The following BMP1 variants were observed in gnomAD, a reference collection of about 807,000 sequenced individuals.
BMP1 encodes bone morphogenetic protein 1.
Under a neutral mutation model 116.8 loss-of-function variants are expected in BMP1, and 63 were observed. That is an observed-to-expected ratio of 0.54 (90% CI 0.44 to 0.67). BMP1 has a LOEUF of 0.67. Ranked by LOEUF, BMP1 falls within the 30% of genes least tolerant of loss-of-function variation. The pLI, the probability that BMP1 is intolerant of heterozygous loss-of-function variation, is 0.00. For missense variants in BMP1, 1,183 were observed against 1,358.9 expected, an observed-to-expected ratio of 0.87 and a Z score of 2.04; for synonymous variants, 536 against 533.4, an observed-to-expected ratio of 1.00 and a Z score of -0.07.
rs201377252 is a variant in BMP1 at position 22,173,679 on chromosome 8, C to T, written c.226C>T (p.Arg76Trp). 123 of 1,613,620 alleles carry T rather than the reference C, an allele frequency of 7.6e-5. No homozygotes were observed. Among genetic ancestry groups the T allele is most frequent in the Non-Finnish European group, 8.8e-5 (104 of 1,179,684 alleles). Residue 76 changes from arginine to tryptophan, a missense_variant, in exon 2 of 20, where the codon CGG (arginine) becomes TGG (tryptophan). Arg to Trp is a moderately radical substitution (Grantham distance 101). Around this residue, in one of 4 missense-constraint regions of BMP1, gnomAD observed 185 missense variants for 158.9 expected, o/e 1.16. Transcript: ENST00000306385. The stretch of plus-strand genomic sequence containing the variant: ...GGTACAGCAGGCTGTGGATCTCAGA[C>T]GGCACACAGCTCGTAAGTCCTCCAT... Reference protein sequence around the residue: ...FQVQQAVDLRRHTARKSSIKA... With the variant: ...FQVQQAVDLRWHTARKSSIKA...
chr8:22,199,737 G>A (rs1586467258), intron 15 of BMP1, among the ~76,000 whole-genome samples: 1 of 152,148 alleles, frequency 6.6e-6, no homozygotes, highest in African/African-American at 2.4e-5. Context: ...ACCCCAGGAT[G>A]GCTCATAGGG....
At chr8:22,172,663 AT>A in intron 1 of BMP1, among the ~76,000 whole-genome samples, 1 of 119,648 alleles carries the variant, frequency 8.4e-6, no homozygotes, top group East Asian at 2.4e-4. Context: ...CCCAGGCTGG[AT>A]TGCAGTGGCA....
chr8:22,175,903 T>A (rs1429775162), intron 2 of BMP1, among the ~76,000 whole-genome samples: 1 of 152,220 alleles, frequency 6.6e-6, no homozygotes, highest in African/African-American at 2.4e-5. Context: ...AAGCGGAGCG[T>A]TGCCTTATTC....
intron 7 of BMP1, 147 bp from the exon 8 acceptor site, chr8:22,180,221 T>C: frequency 1.4e-6 from 1 of 693,272 alleles, no homozygotes; most frequent in South Asian, 1.7e-5. Context: ...GGGTGGATCT[T>C]ATAGGGGCAG....
At chr8:22,176,746 G>A in intron 4 of BMP1, 96 bp downstream of exon 4, 1 of 1,379,236 alleles carries the variant, frequency 7.3e-7, no homozygotes, top group Admixed American at 1.7e-5. Flanking sequence ...GCACAGCCTT[G>A]GGTCCCTTTA....
In BMP1 at chr8:22,196,753, C is replaced by T; in HGVS notation, c.1839C>T (p.Pro613=). Reference sequence around the variant, plus strand: ...CGGGCTGGCCCAAGGAGTACCCCCCCAACAAGAACTGCATCTGGCAGCTGG... The same window carrying T: ...CGGGCTGGCCCAAGGAGTACCCCCCTAACAAGAACTGCATCTGGCAGCTGG... The part of the protein sequence containing the change: ...TSPGWPKEYP[P]NKNCIWQLVA... The change falls in exon 14 of 20, where the codon CCC becomes CCT. Residue 613 remains proline (P), a synonymous_variant. Coordinates refer to ENST00000306385, the MANE Select transcript of BMP1 (RefSeq NM_006129.5). 6.2e-7 allele frequency: 1 copy of T among 1,614,122 alleles called. No individual in the cohort carries two copies. Among genetic ancestry groups the T allele is most frequent in the Non-Finnish European group, 8.5e-7 (1 of 1,180,014 alleles).
intron 15 of BMP1, chr8:22,201,287 C>A (rs549557414): frequency 6.5e-7 from 1 of 1,529,766 alleles, no homozygotes. Context: ...GCCCACCAAC[C>A]CCCCACCTCC....
At chr8:22,189,170 T>G (rs530630243) in intron 8 of BMP1, among the ~76,000 whole-genome samples, 1 of 152,334 alleles carries the variant, frequency 6.6e-6, no homozygotes, top group Non-Finnish European at 1.5e-5. Context: ...TAACACTTTC[T>G]GGTGTCTCCT....
rs139127010 is a variant in BMP1 at position 22,179,369 on chromosome 8, G to A, written c.837-336G>A. ...CAGTGGGGCTGGAGAGAGATGACCCGCTAGGGGCCTGTAGCTTTCCTGGGG... is the reference window on the plus strand; with the variant it reads ...CAGTGGGGCTGGAGAGAGATGACCCACTAGGGGCCTGTAGCTTTCCTGGGG... On this transcript the variant is annotated intron_variant, in intron 6 of 19. Coordinates refer to ENST00000306385, the MANE Select transcript of BMP1 (RefSeq NM_006129.5). This position sits in a 1 kb window ranked among gnomAD's most constrained non-coding sequence, Gnocchi z 4.6. Among the ~76,000 whole-genome samples the A allele has an allele frequency of 2.6e-5, 4 of 152,310 alleles. No individual in the cohort carries two copies. The highest frequency in any genetic ancestry group is 9.6e-5 in the African/African-American group (4 of 41,574).
At position 22,194,200 on chromosome 8, in the gene BMP1, G is replaced by A; in HGVS notation, c.1297+26G>A. On this transcript the variant is annotated intron_variant, in intron 10 of 19. Coordinates refer to ENST00000306385, the MANE Select transcript of BMP1 (RefSeq NM_006129.5). This position sits in a 1 kb window ranked among gnomAD's most constrained non-coding sequence, Gnocchi z 4.5. ...GTACTGAGGAAGGCGGCGGGCGGGA[G>A]GAGTCAGATAGGAGGTCTCTGGGCA... The A allele has an allele frequency of 1.2e-6, 2 of 1,601,866 alleles. No individual in the cohort carries two copies. Among genetic ancestry groups the A allele is most frequent in the Non-Finnish European group, 1.7e-6 (2 of 1,168,820 alleles).
chr8:22,186,259 G>A (rs1347323075), intron 8 of BMP1, among the ~76,000 whole-genome samples: 1 of 152,226 alleles, frequency 6.6e-6, no homozygotes, highest in African/African-American at 2.4e-5. Flanking sequence ...AAGGGTGTGG[G>A]GCTCTGAGGA....
At chr8:22,205,370 C>T (rs6982782) in intron 16 of BMP1, among the ~76,000 whole-genome samples, 8,303 of 152,108 alleles carry the variant, frequency 0.055, 693 homozygotes, top group African/African-American at 0.18. Flanking sequence ...TGCAGGGCCA[C>T]GCAGGGTGCA....
At chr8:22,177,431 G>A (rs1244146570) in intron 5 of BMP1, 2 of 675,590 alleles carry the variant, frequency 3.0e-6, no homozygotes, top group South Asian at 1.6e-5. Context: ...ATAGTGGGCC[G>A]TCCTGGGGAC....
chr8:22,209,532 T>C lies in BMP1; in HGVS notation c.2663T>C (p.Val888Ala). Reference sequence around the variant, plus strand: ...GGCGACAACAACTACCCTGGGGGTGTGGACTGTGAGTGGGTCATTGTGGCC... The same window carrying C: ...GGCGACAACAACTACCCTGGGGGTGCGGACTGTGAGTGGGTCATTGTGGCC... ...QFGDNNYPGG[V>A]DCEWVIVAEE... The change falls in exon 19 of 20, where the codon GTG becomes GCG. Residue 888 changes from valine to alanine, a missense_variant. Physicochemically the swap from Val to Ala is moderately conservative, Grantham distance 64. Around this residue, in one of 4 missense-constraint regions of BMP1, gnomAD observed 956 missense variants for 1,135.2 expected, o/e 0.84. Transcript: ENST00000306385. 2 of 1,614,194 alleles carry C rather than the reference T, an allele frequency of 1.2e-6. No homozygotes were observed. The highest frequency in any genetic ancestry group is 8.5e-7 in the Non-Finnish European group (1 of 1,180,028).
chr8:22,167,314 G>T (rs988280342), intron 1 of BMP1, among the ~76,000 whole-genome samples: 1 of 152,170 alleles, frequency 6.6e-6, no homozygotes, highest in Non-Finnish European at 1.5e-5. Context: ...AGGGACCCAA[G>T]ACACCTACAG....
rs758220928 is a variant in BMP1 at position 22,197,329 on chromosome 8, G to A, written c.2016G>A (p.Glu672=). The change falls in exon 15 of 20, where the codon GAG becomes GAA. Residue 672 remains glutamate, a synonymous_variant. Coordinates refer to ENST00000306385, the MANE Select transcript of BMP1 (RefSeq NM_006129.5). ...HGKFCGSEKP[E]VITSQYNNMR... is the part of the protein sequence containing the mutation. ...AGTTCTGTGGTTCTGAGAAGCCCGA[G>A]GTCATCACCTCCCAGTACAACAACA... The A allele has an allele frequency of 1.2e-6, 2 of 1,614,024 alleles. No individual in the cohort carries two copies. Among genetic ancestry groups the A allele is most frequent in the South Asian group, 2.2e-5 (2 of 91,078 alleles).
In BMP1 at chr8:22,196,778, G is replaced by C; in HGVS notation, c.1864G>C (p.Val622Leu). The C allele has an allele frequency of 6.2e-7, 1 of 1,614,064 alleles. No individual in the cohort carries two copies. The highest frequency in any genetic ancestry group is 8.5e-7 in the Non-Finnish European group (1 of 1,180,008). ...PPNKNCIWQL[V>L]APTQYRISLQ... Reference sequence around the variant, plus strand: ...CAACAAGAACTGCATCTGGCAGCTGGTGGCCCCCACCCAGTACCGCATCTC... The same window carrying C: ...CAACAAGAACTGCATCTGGCAGCTGCTGGCCCCCACCCAGTACCGCATCTC... Residue 622 changes from valine (V) to leucine (L), a missense_variant, in exon 14 of 20, where the codon GTG becomes CTG. Val to Leu is a conservative substitution (Grantham distance 32). This residue lies in a region of BMP1 where 956 missense variants were observed against 1,135.2 expected (regional missense o/e 0.84). Coordinates refer to ENST00000306385, the MANE Select transcript of BMP1 (RefSeq NM_006129.5).
intron 8 of BMP1, among the ~76,000 whole-genome samples, chr8:22,185,907 C>T (rs1315093268): frequency 7.0e-6 from 1 of 143,010 alleles, no homozygotes; most frequent in East Asian, 2.1e-4. Flanking sequence ...ACGATCTTGG[C>T]TCAATATAAC....
At chr8:22,190,918 G>A (rs1157298870) in intron 8 of BMP1, among the ~76,000 whole-genome samples, 1 of 152,148 alleles carries the variant, frequency 6.6e-6, no homozygotes. Context: ...CGCAGGTCAC[G>A]GTGAACACAT....
Sources: allele counts gnomAD v4.1 joint callset (sites outside exome capture counted in the v4.1 genomes callset), GRCh38; gene constraint gnomAD v4.1.1; regional missense constraint gnomAD v4.1.1; non-coding constraint Gnocchi (gnomAD v3.1); transcripts MANE v1.5; gene names NCBI Gene and HGNC (gene_info 2026-07-23, HGNC 2026-07-21).